The following AGXT2 variants were observed in gnomAD, a reference collection of about 807,000 sequenced individuals.
The protein encoded by AGXT2 is alanine--glyoxylate aminotransferase 2, also known as alanine--glyoxylate aminotransferase 2, mitochondrial.
A neutral mutation model predicts 62.5 loss-of-function variants in AGXT2; 61 were observed. The ratio of observed to expected loss-of-function variants is 0.98; its 90% CI spans 0.79 to 1.21. The LOEUF (loss-of-function observed/expected upper bound fraction) is 1.21, where lower values mean the gene tolerates loss of function less well. AGXT2 is among the 50% of genes most tolerant of loss of function. The pLI is 0.00. For missense variants in AGXT2, 666 were observed against 641.5 expected, an observed-to-expected ratio of 1.04 and a Z score of -0.41; for synonymous variants, 243 against 218.7, an observed-to-expected ratio of 1.11 and a Z score of -0.98.
At chr5:35,000,517 A>G (rs928713141) in intron 13 of AGXT2, among the ~76,000 whole-genome samples, 2 of 152,214 alleles carry the variant, frequency 1.3e-5, no homozygotes, top group African/African-American at 4.8e-5. Context: ...AGTAGCAGGG[A>G]TTACAGGTGT....
intron 9 of AGXT2, among the ~76,000 whole-genome samples, chr5:35,023,416 C>T (rs1278004596): frequency 2.0e-5 from 3 of 152,120 alleles, no homozygotes; most frequent in Admixed American, 6.6e-5. Context: ...CTAGTCCTCG[C>T]GATAGTCCTT....
chr5:35,024,589 A>G (rs1767248297), intron 9 of AGXT2, among the ~76,000 whole-genome samples: 1 of 152,134 alleles, frequency 6.6e-6, no homozygotes, highest in Non-Finnish European at 1.5e-5. Context: ...CTATTTTACA[A>G]TTTTTGGGGA....
rs1580561377 is a variant in AGXT2 at position 34,998,201 on chromosome 5, T to C, written c.*518A>G. 5.8e-6 allele frequency: 1 copy of C among 173,122 alleles called. No individual in the cohort carries two copies. Among genetic ancestry groups the C allele is most frequent in the East Asian group, 1.5e-4 (1 of 6,638 alleles). 10.7% of individuals were successfully genotyped at this position (173,122 alleles called of 1,614,324 possible). On this transcript the variant is annotated 3_prime_UTR_variant, in exon 14 of 14. Transcript: ENST00000231420. ...GTGCTTCTTTGACATCACTAAGCAC[T>C]TGGCTTCCATCCATCTTCCAACCTC...
chr5:35,045,407 C>T (rs1768149763), intron 1 of AGXT2, among the ~76,000 whole-genome samples: 1 of 152,100 alleles, frequency 6.6e-6, no homozygotes, highest in Admixed American at 6.5e-5. Context: ...TGGATACATA[C>T]ATAAATACAT....
intron 3 of AGXT2, among the ~76,000 whole-genome samples, chr5:35,037,479 T>A (rs912163952): frequency 4.6e-5 from 7 of 152,186 alleles, no homozygotes; most frequent in Non-Finnish European, 8.8e-5. Context: ...ATCAAGCACA[T>A]GTATGCCAGA....
intron 6 of AGXT2, 127 bp from the exon 7 acceptor site, chr5:35,032,952 G>T: frequency 1.3e-6 from 1 of 779,338 alleles, no homozygotes; most frequent in Non-Finnish European, 2.2e-6. Flanking sequence ...CCCCACTTAA[G>T]ATGAAAATTG....
intron 10 of AGXT2, among the ~76,000 whole-genome samples, chr5:35,013,704 C>A (rs2112200501): frequency 6.6e-6 from 1 of 151,678 alleles, no homozygotes; most frequent in East Asian, 1.9e-4. Context: ...ATTGCTTGCA[C>A]CTGCGGAGGC....
chr5:35,014,985 A>C (rs1284756801), intron 9 of AGXT2, among the ~76,000 whole-genome samples: 1 of 151,740 alleles, frequency 6.6e-6, no homozygotes, highest in Non-Finnish European at 1.5e-5. Context: ...TCAGGGTTGA[A>C]CTCCTCTAAT....
chr5:35,040,661 C>G lies in AGXT2; in HGVS notation c.91G>C (p.Gly31Arg). 6.2e-7 allele frequency: 1 copy of G among 1,613,188 alleles called. No individual in the cohort carries two copies. Among genetic ancestry groups the G allele is most frequent in the Non-Finnish European group, 8.5e-7 (1 of 1,179,204 alleles). Residue 31 changes from glycine (G) to arginine (R), a missense_variant and splice_region_variant, in exon 2 of 14, where the codon GGT becomes CGT. Coordinates refer to ENST00000231420, the MANE Select transcript of AGXT2 (RefSeq NM_031900.4). The part of the protein sequence containing the change: ...ILEMHPFLSL[G>R]TSRTSVTKLS... ...TTGGTTACTGATGTCCGGGAAGTAC[C>G]TACTGAAAGTGAAGTGAGTTAGAAT...
intron 1 of AGXT2, among the ~76,000 whole-genome samples, chr5:35,043,627 G>A (rs1768069722): frequency 6.6e-6 from 1 of 152,054 alleles, no homozygotes; most frequent in South Asian, 2.1e-4. Context: ...CGGCCTCCCA[G>A]GCTCAAACAA....
intron 12 of AGXT2, among the ~76,000 whole-genome samples, chr5:35,007,992 T>C (rs958667005): frequency 2.0e-5 from 3 of 152,140 alleles, no homozygotes; most frequent in African/African-American, 7.2e-5. Flanking sequence ...GACCTCTGCA[T>C]ATGCCAGCGC....
chr5:35,012,315 AT>A (rs1274383745), intron 11 of AGXT2: 1 of 153,108 alleles, frequency 6.5e-6, no homozygotes, highest in Non-Finnish European at 1.5e-5. Context: ...ATACAGCAGA[AT>A]GACCCTTGTT....
chr5:35,000,512 CAG>C (rs755786753), intron 13 of AGXT2, among the ~76,000 whole-genome samples: 1 of 152,142 alleles, frequency 6.6e-6, no homozygotes, highest in Non-Finnish European at 1.5e-5. Flanking sequence ...TCCTGAGTAG[CAG>C]GGATTACAGG....
At position 35,003,792 on chromosome 5, in the gene AGXT2, G is replaced by C; in HGVS notation, c.1408C>G (p.Leu470Val). ...IHEDCKHMGL[L>V]VGRGSIFSQT... ...GAAAAAATGCTGCCTCTGCCAACGA[G>C]GAGTCCCATGTGCTTGCAGTCCTCA... The change falls in exon 13 of 14, where the codon CTC becomes GTC. Residue 470 changes from leucine to valine, a missense_variant. Leu to Val is a conservative substitution (Grantham distance 32). Coordinates refer to ENST00000231420, the MANE Select transcript of AGXT2 (RefSeq NM_031900.4). 6.2e-7 allele frequency: 1 copy of C among 1,614,172 alleles called. No individual in the cohort carries two copies. Among genetic ancestry groups the C allele is most frequent in the Admixed American group, 1.7e-5 (1 of 60,024 alleles).
intron 9 of AGXT2, among the ~76,000 whole-genome samples, chr5:35,017,759 A>G (rs896822760): frequency 1.3e-5 from 2 of 152,238 alleles, no homozygotes; most frequent in East Asian, 1.9e-4. Context: ...AAGGCTTCAG[A>G]CGATCAAATT....
At chr5:35,003,679 A>G (rs1484089889) in intron 13 of AGXT2, 84 bp downstream of exon 13, 3 of 1,329,114 alleles carry the variant, frequency 2.3e-6, no homozygotes, top group Non-Finnish European at 3.3e-6. Flanking sequence ...ACATCTTCAC[A>G]GCTGTGAAGA....
At chr5:35,019,308 G>A (rs1237922543) in intron 9 of AGXT2, among the ~76,000 whole-genome samples, 1 of 149,026 alleles carries the variant, frequency 6.7e-6, no homozygotes, top group Non-Finnish European at 1.5e-5. Context: ...TTCAAAAATT[G>A]ACCACATACT....
Position 35,039,308 on chromosome 5 carries a change from T to G in AGXT2, c.362+16A>C, listed in dbSNP as rs942243791. On this transcript the variant is annotated intron_variant, in intron 3 of 13. Transcript: ENST00000231420. ...TTCTTTTGGAATAAAAATCTCCAGA[T>G]TTTAAGGATACTCACGGGTGGCAAT... is the stretch of plus-strand genomic sequence containing the variant. 7 of 1,613,116 alleles carry G rather than the reference T, an allele frequency of 4.3e-6. No individual in the cohort carries two copies. The highest frequency in any genetic ancestry group is 3.3e-4 in the Middle Eastern group (2 of 6,056).
intron 9 of AGXT2, among the ~76,000 whole-genome samples, chr5:35,023,861 ATATTTATT>A (rs72046873): frequency 0.71 from 102,050 of 143,834 alleles, 36,933 homozygotes; most frequent in Middle Eastern, 0.79. Flanking sequence ...GCTGTAGGGA[ATATTTATT>A]TATTTATTTA....
Sources: gnomAD v4.1 joint callset for allele counts (sites outside exome capture counted in the v4.1 genomes callset) on GRCh38, gnomAD v4.1.1 for gene constraint, MANE v1.5 for transcripts, NCBI Gene and HGNC (gene_info 2026-07-23, HGNC 2026-07-21) for gene names.